TIPARP: variants seen among roughly 807,000 people sequenced by gnomAD.
TIPARP encodes the protein protein mono-ADP-ribosyltransferase TIPARP.
A neutral mutation model predicts 56.5 loss-of-function variants in TIPARP; 12 were observed. The observed-to-expected ratio is 0.21, with a 90% CI of 0.14 to 0.34. The LOEUF is 0.34. Among genes scored for constraint, TIPARP ranks in the 10% least tolerant of loss-of-function variants. The pLI, the probability that TIPARP is intolerant of heterozygous loss-of-function variation, is 1.00. For missense variants in TIPARP, 604 were observed against 781.6 expected, an observed-to-expected ratio of 0.77 and a Z score of 2.71; for synonymous variants, 296 against 265.7, an observed-to-expected ratio of 1.11 and a Z score of -1.11.
intron 2 of TIPARP, among the ~76,000 whole-genome samples, chr3:156,690,783 T>G (rs993597519): frequency 6.6e-6 from 1 of 152,166 alleles, no homozygotes; most frequent in African/African-American, 2.4e-5. Context: ...TACTCTTTTT[T>G]GGCTGTCCCT....
chr3:156,692,069 T>G (rs1455078137), intron 2 of TIPARP, among the ~76,000 whole-genome samples: 2 of 152,304 alleles, frequency 1.3e-5, no homozygotes, highest in East Asian at 3.9e-4. Flanking sequence ...GCTGTTTATA[T>G]TATAATGCAT....
chr3:156,693,931 T>G, intron 2 of TIPARP, 89 bp from the exon 3 acceptor site: 1 of 1,391,130 alleles, frequency 7.2e-7, no homozygotes, highest in Non-Finnish European at 9.5e-7. Flanking sequence ...TGCTATGTAT[T>G]TTTAATGTCC....
intron 4 of TIPARP, 36 bp from the exon 5 acceptor site, chr3:156,703,388 A>G: frequency 6.2e-7 from 1 of 1,602,290 alleles, no homozygotes; most frequent in Non-Finnish European, 8.5e-7. Context: ...TTATTTCTTA[A>G]TGTTTTACAT....
At chr3:156,685,167 C>G (rs559261677) in intron 2 of TIPARP, among the ~76,000 whole-genome samples, 9 of 152,158 alleles carry the variant, frequency 5.9e-5, no homozygotes, top group Non-Finnish European at 1.3e-4. Context: ...TGTGAAACTT[C>G]CAATTTTCCT....
intron 2 of TIPARP, among the ~76,000 whole-genome samples, chr3:156,686,258 ACT>A (rs1722426430): frequency 6.6e-6 from 1 of 152,106 alleles, no homozygotes; most frequent in Non-Finnish European, 1.5e-5. Flanking sequence ...AATAATTTCG[ACT>A]CTCTTAACTA....
intron 2 of TIPARP, 108 bp downstream of exon 2, chr3:156,678,722 T>C (rs1722215276): frequency 3.2e-6 from 3 of 933,840 alleles, no homozygotes; most frequent in Non-Finnish European, 3.1e-6. Context: ...GGTTTTCTTT[T>C]TTTCCACTAT....
At chr3:156,679,815 G>A (rs1313929992) in intron 2 of TIPARP, among the ~76,000 whole-genome samples, 1 of 152,132 alleles carries the variant, frequency 6.6e-6, no homozygotes, top group East Asian at 1.9e-4. Flanking sequence ...GTCAGCAAAT[G>A]GTTGCAGTAA....
At chr3:156,680,725 A>C (rs1386043649) in intron 2 of TIPARP, among the ~76,000 whole-genome samples, 1 of 152,168 alleles carries the variant, frequency 6.6e-6, no homozygotes, top group Non-Finnish European at 1.5e-5. Context: ...TCCTTTGGTA[A>C]GATTGTTTTG....
chr3:156,703,327 AT>A, intron 4 of TIPARP, 96 bp from the exon 5 acceptor site: 1 of 1,265,376 alleles, frequency 7.9e-7, no homozygotes, highest in Non-Finnish European at 1.1e-6. Context: ...AGCTATACAG[AT>A]TATAATATTA....
At chr3:156,687,698 A>C (rs1442928100) in intron 2 of TIPARP, among the ~76,000 whole-genome samples, 1 of 152,164 alleles carries the variant, frequency 6.6e-6, no homozygotes, top group Non-Finnish European at 1.5e-5. Context: ...AAGCTTAAAA[A>C]CAGATAATCT....
At chr3:156,695,826 C>CTTTT (rs10631452) in intron 3 of TIPARP, 39 bp from the exon 4 acceptor site, 10,666 of 1,020,578 alleles carry the variant, frequency 0.01, 107 homozygotes, top group African/African-American at 0.026. Context: ...ATTAACTTTC[C>CTTTT]TTTTTTTTTT....
At chr3:156,704,544 C>T in intron 5 of TIPARP, 140 bp from the exon 6 acceptor site, 2 of 828,110 alleles carry the variant, frequency 2.4e-6, no homozygotes, top group South Asian at 1.9e-5. Context: ...TAAGTTTCAA[C>T]TTTTAATAGG....
At chr3:156,687,440 AAAAC>A (rs998332001) in intron 2 of TIPARP, among the ~76,000 whole-genome samples, 1 of 152,200 alleles carries the variant, frequency 6.6e-6, no homozygotes, top group Non-Finnish European at 1.5e-5. Context: ...TGTGTAATAG[AAAAC>A]AAACAACAAA....
At chr3:156,680,753 A>G (rs1448555501) in intron 2 of TIPARP, among the ~76,000 whole-genome samples, 1 of 152,164 alleles carries the variant, frequency 6.6e-6, no homozygotes, top group Non-Finnish European at 1.5e-5. Context: ...ATAGACATAG[A>G]TATAGGCCCA....
chr3:156,696,767 A>T (rs1268968568), intron 4 of TIPARP, among the ~76,000 whole-genome samples: 1 of 151,966 alleles, frequency 6.6e-6, no homozygotes, highest in Admixed American at 6.6e-5. Flanking sequence ...ATCATTATCT[A>T]CTCCAGTCAG....
intron 4 of TIPARP, among the ~76,000 whole-genome samples, chr3:156,701,767 C>T (rs917586792): frequency 6.6e-6 from 1 of 152,154 alleles, no homozygotes; most frequent in Admixed American, 6.6e-5. Flanking sequence ...GACTGTTGTG[C>T]CTTTTGTTGT....
Position 156,699,975 on chromosome 3 carries a change from T to G in TIPARP, c.1248-3449T>G, listed in dbSNP as rs558991304. Among the ~76,000 whole-genome samples the G allele has an allele frequency of 2.6e-5, 4 of 152,316 alleles. No homozygotes were observed. The South Asian group carries it at 8.3e-4, about 32-fold the overall frequency. On this transcript the variant is annotated intron_variant, in intron 4 of 5. Coordinates refer to ENST00000295924, the MANE Select transcript of TIPARP (RefSeq NM_015508.5). ...AGGGAGAAAGATGAGGGGAATTGGT[T>G]CCAAAAAGCATATTTTAGAAGTAGA...
At chr3:156,677,067 A>G (rs1308741220) in intron 1 of TIPARP, among the ~76,000 whole-genome samples, 7 of 152,214 alleles carry the variant, frequency 4.6e-5, no homozygotes, top group Non-Finnish European at 1.0e-4. Flanking sequence ...AGCTTTCTGA[A>G]TATAGAAATG....
At chr3:156,678,936 T>G (rs1027763627) in intron 2 of TIPARP, among the ~76,000 whole-genome samples, 18 of 152,244 alleles carry the variant, frequency 1.2e-4, no homozygotes, top group Admixed American at 6.5e-5. Context: ...AAAGAAAGTC[T>G]GGCGAATCTT....
Sources: gnomAD v4.1 joint callset for allele counts (sites outside exome capture counted in the v4.1 genomes callset) on GRCh38, gnomAD v4.1.1 for gene constraint, MANE v1.5 for transcripts, NCBI Gene and HGNC (gene_info 2026-07-23, HGNC 2026-07-21) for gene names.